The following ADAMTS20 variants were observed in gnomAD, a reference collection of about 807,000 sequenced individuals.
ADAMTS20 encodes A disintegrin and metalloproteinase with thrombospondin motifs 20.
A neutral mutation model predicts 260.1 loss-of-function variants in ADAMTS20; 225 were observed. That is an observed-to-expected ratio of 0.87 (90% CI 0.78 to 0.97). ADAMTS20 has a LOEUF of 0.97. Ranked by LOEUF, ADAMTS20 falls within the 50% of genes least tolerant of loss-of-function variation. ADAMTS20 has a pLI of 0.00. For missense variants in ADAMTS20, 2,400 were observed against 2,337.7 expected (o/e 1.03, Z -0.55); for synonymous variants, 802 against 769.5 (o/e 1.04, Z -0.70).
chr12:43,432,780 A>T lies in ADAMTS20; in HGVS notation c.2752T>A (p.Ser918Thr). 1 of 1,613,982 alleles carries T rather than the reference A, an allele frequency of 6.2e-7. No homozygotes were observed. The highest frequency in any genetic ancestry group is 8.5e-7 in the Non-Finnish European group (1 of 1,179,856). Residue 918 changes from serine to threonine, a missense_variant, in exon 20 of 39, where the codon TCC becomes ACC. Physicochemically the swap from Ser to Thr is moderately conservative, Grantham distance 58. Coordinates refer to ENST00000389420, the MANE Select transcript of ADAMTS20 (RefSeq NM_025003.5). ...GTTCTATATCCTTGACCACATTGGG[A>T]TGAACATTCACTTTTGCCAATAACA... ...WHVIGKSECS[S>T]QCGQGYRTLD...
Position 43,452,379 on chromosome 12 carries a change from A to G in ADAMTS20, c.1974T>C (p.Cys658=). The change falls in exon 14 of 39, where the codon TGT becomes TGC. Residue 658 remains cysteine, a synonymous_variant. Transcript: ENST00000389420. ...IGTKDRCKLY[C]QVAGTNYFYL... is the part of the protein sequence containing the mutation. The stretch of plus-strand genomic sequence containing the variant: ...AGAAATAATTGGTTCCAGCAACCTG[A>G]CAATAGAGTTTACAACGATCCTTTG... 6.2e-7 allele frequency: 1 copy of G among 1,613,224 alleles called. No homozygotes were observed. The highest frequency in any genetic ancestry group is 8.5e-7 in the Non-Finnish European group (1 of 1,179,544).
At chr12:43,407,648 A>T (rs1940943649) in intron 28 of ADAMTS20, among the ~76,000 whole-genome samples, 1 of 152,124 alleles carries the variant, frequency 6.6e-6, no homozygotes, top group Non-Finnish European at 1.5e-5. Flanking sequence ...AATAACTATT[A>T]GAAAATCGGA....
chr12:43,498,545 T>C (rs960164020), intron 4 of ADAMTS20, among the ~76,000 whole-genome samples: 1 of 152,218 alleles, frequency 6.6e-6, no homozygotes, highest in Non-Finnish European at 1.5e-5. Flanking sequence ...CGTGACAGAA[T>C]ATCACCAATA....
intron 28 of ADAMTS20, among the ~76,000 whole-genome samples, chr12:43,420,469 C>T (rs1443102238): frequency 6.6e-6 from 1 of 152,146 alleles, no homozygotes; most frequent in Non-Finnish European, 1.5e-5. Context: ...GTTTACTATA[C>T]TTATGTGTCT....
In ADAMTS20 at chr12:43,454,065, T is replaced by C; in HGVS notation, c.1615-13A>G. On this transcript the variant is annotated splice_polypyrimidine_tract_variant and intron_variant, in intron 11 of 38. Transcript: ENST00000389420. ...CATGACGGCAATGCTATAAAAATAATAAGCACAAAAAGAAATGATGTGTGT... is the reference window on the plus strand; with the variant it reads ...CATGACGGCAATGCTATAAAAATAACAAGCACAAAAAGAAATGATGTGTGT... The C allele has an allele frequency of 6.2e-7, 1 of 1,606,728 alleles. No homozygotes were observed. Among genetic ancestry groups the C allele is most frequent in the South Asian group, 1.1e-5 (1 of 89,650 alleles).
intron 37 of ADAMTS20, among the ~76,000 whole-genome samples, chr12:43,360,513 A>T (rs2137184364): frequency 6.6e-6 from 1 of 152,260 alleles, no homozygotes; most frequent in Non-Finnish European, 1.5e-5. Context: ...AAAAGAGAGT[A>T]GGGGTAGCAA....
intron 2 of ADAMTS20, among the ~76,000 whole-genome samples, chr12:43,534,812 C>A (rs1265360773): frequency 1.3e-5 from 2 of 152,166 alleles, no homozygotes; most frequent in Non-Finnish European, 2.9e-5. Context: ...CTGGTTACTA[C>A]TGAAAAAACT....
intron 11 of ADAMTS20, among the ~76,000 whole-genome samples, chr12:43,460,989 T>TATA (rs1555129949): frequency 5.4e-4 from 14 of 25,902 alleles, no homozygotes; most frequent in African/African-American, 1.1e-3. Flanking sequence ...TATATATATA[T>TATA]TTTTTTTTTT....
intron 3 of ADAMTS20, among the ~76,000 whole-genome samples, chr12:43,513,337 C>T (rs544902358): frequency 3.0e-4 from 45 of 152,246 alleles, no homozygotes; most frequent in African/African-American, 9.9e-4. Context: ...GACACACTTC[C>T]CTTAAAAGCT....
Position 43,464,734 on chromosome 12 carries a change from T to G in ADAMTS20, c.1368-2A>C. 6.2e-7 allele frequency: 1 copy of G among 1,606,390 alleles called. No individual in the cohort carries two copies. Among genetic ancestry groups the G allele is most frequent in the Non-Finnish European group, 8.5e-7 (1 of 1,176,904 alleles). ...AGAAGACATTCCCCGTAACCAGTAC[T>G]GTAACAGTGACAGAAAATAAAATAT... On this transcript the variant is annotated splice_acceptor_variant, in intron 9 of 38. Coordinates refer to ENST00000389420, the MANE Select transcript of ADAMTS20 (RefSeq NM_025003.5). LOFTEE classifies it high-confidence loss of function.
At chr12:43,532,425 G>C (rs914538602) in intron 2 of ADAMTS20, among the ~76,000 whole-genome samples, 1 of 152,066 alleles carries the variant, frequency 6.6e-6, no homozygotes, top group African/African-American at 2.4e-5. Context: ...CAAGCTAAGT[G>C]ACGGGCATTC....
At chr12:43,399,000 TAAG>T (rs2137251647) in intron 29 of ADAMTS20, 63 bp downstream of exon 29, 1 of 1,083,342 alleles carries the variant, frequency 9.2e-7, no homozygotes, top group Non-Finnish European at 1.2e-6. Context: ...TTATGAAAAA[TAAG>T]AATGAATTTT....
chr12:43,416,932 C>G (rs963224845), intron 28 of ADAMTS20, among the ~76,000 whole-genome samples: 1 of 152,160 alleles, frequency 6.6e-6, no homozygotes, highest in Admixed American at 6.5e-5. Context: ...TAGACATATA[C>G]CTTCTCCCCC....
intron 37 of ADAMTS20, among the ~76,000 whole-genome samples, chr12:43,367,316 T>C (rs1028384331): frequency 6.6e-6 from 1 of 151,926 alleles, no homozygotes; most frequent in African/African-American, 2.4e-5. Flanking sequence ...AAACCAAATT[T>C]AGCAATATAT....
At chr12:43,425,264 T>G (rs1592061478) in intron 28 of ADAMTS20, among the ~76,000 whole-genome samples, 2 of 149,220 alleles carry the variant, frequency 1.3e-5, no homozygotes, top group Non-Finnish European at 3.0e-5. Context: ...GGGGGAGGAG[T>G]GTGGGGGGCA....
chr12:43,459,640 T>C (rs1942025639), intron 11 of ADAMTS20, among the ~76,000 whole-genome samples: 1 of 152,310 alleles, frequency 6.6e-6, no homozygotes, highest in Admixed American at 6.5e-5. Flanking sequence ...GTACCTAAAA[T>C]AGTGCCTGAC....
At chr12:43,493,708 T>G (rs1942638752) in intron 4 of ADAMTS20, among the ~76,000 whole-genome samples, 1 of 152,250 alleles carries the variant, frequency 6.6e-6, no homozygotes, top group Non-Finnish European at 1.5e-5. Flanking sequence ...ACAATTTACA[T>G]GACTACAATA....
chr12:43,500,532 T>A (rs1375929535), intron 4 of ADAMTS20, among the ~76,000 whole-genome samples: 3 of 152,234 alleles, frequency 2.0e-5, no homozygotes, highest in African/African-American at 7.2e-5. Flanking sequence ...TAGGTAATTT[T>A]ACTTCAAATT....
intron 4 of ADAMTS20, among the ~76,000 whole-genome samples, chr12:43,500,892 A>T (rs1001128556): frequency 1.3e-5 from 2 of 152,114 alleles, no homozygotes; most frequent in African/African-American, 4.8e-5. Context: ...TGTCACAATG[A>T]ACTGGGATCT....
Sources: allele counts gnomAD v4.1 joint callset (sites outside exome capture counted in the v4.1 genomes callset), GRCh38; gene constraint gnomAD v4.1.1; transcripts MANE v1.5; gene names NCBI Gene and HGNC (gene_info 2026-07-23, HGNC 2026-07-21).